The following CADM3 variants were observed in gnomAD, a reference collection of about 807,000 sequenced individuals.
CADM3 encodes the protein TSLC1-like 1.
CADM3 carries 11 observed loss-of-function variants against 44.9 expected under a neutral mutation model. The observed-to-expected ratio is 0.25, with a 90% CI of 0.15 to 0.41. The LOEUF is 0.41. Ranked by LOEUF, CADM3 falls within the 10% of genes least tolerant of loss-of-function variation. The pLI, the probability that CADM3 is intolerant of heterozygous loss-of-function variation, is 1.00. For synonymous variants in CADM3, 207 were observed against 205.2 expected (o/e 1.01, Z -0.08); for missense variants, 426 against 512.0 (o/e 0.83, Z 1.62).
chr1:159,189,805 T>C, intron 1 of CADM3: 1 of 1,607,920 alleles, frequency 6.2e-7, no homozygotes, highest in Non-Finnish European at 8.5e-7. Flanking sequence ...AGCTGGGAAC[T>C]CTGGCTCCAC....
intron 3 of CADM3, 120 bp from the exon 4 acceptor site, chr1:159,193,303 T>G: frequency 1.9e-6 from 2 of 1,077,096 alleles, no homozygotes; most frequent in Non-Finnish European, 2.7e-6. Flanking sequence ...TCTAGTCTTC[T>G]ACCCATCAGA....
chr1:159,191,786 T>G (rs1649670643), intron 1 of CADM3, 150 bp from the exon 2 acceptor site: 2 of 832,230 alleles, frequency 2.4e-6, no homozygotes, highest in East Asian at 5.1e-5. Context: ...ACCACCTCTT[T>G]TCCTTCCCCC....
intron 3 of CADM3, among the ~76,000 whole-genome samples, chr1:159,192,987 A>G (rs1649736060): frequency 6.6e-6 from 1 of 152,218 alleles, no homozygotes; most frequent in Non-Finnish European, 1.5e-5. Context: ...AGAGATGATC[A>G]TACCCCTTCT....
At chr1:159,173,402 G>C (rs1368669325) in intron 1 of CADM3, among the ~76,000 whole-genome samples, 1 of 152,024 alleles carries the variant, frequency 6.6e-6, no homozygotes, top group African/African-American at 2.4e-5. Context: ...GGGACCCTGG[G>C]GATCCCCTCC....
At chr1:159,189,926 C>T in intron 1 of CADM3, 6 of 1,226,906 alleles carry the variant, frequency 4.9e-6, no homozygotes, top group South Asian at 1.3e-5. Flanking sequence ...CACTCATCCT[C>T]ACATCCTCTC....
At chr1:159,174,915 AAGAT>A (rs1442720491) in intron 1 of CADM3, among the ~76,000 whole-genome samples, 2 of 152,320 alleles carry the variant, frequency 1.3e-5, no homozygotes, top group South Asian at 2.1e-4. Flanking sequence ...GCCTAGGGTA[AAGAT>A]AGATAGACGG....
intron 1 of CADM3, among the ~76,000 whole-genome samples, chr1:159,187,888 C>T (rs1356796252): frequency 6.6e-6 from 1 of 152,116 alleles, no homozygotes; most frequent in Non-Finnish European, 1.5e-5. Flanking sequence ...AGAGCCCCTG[C>T]TGGATGTGAC....
In CADM3 at chr1:159,171,810, C is replaced by G; in HGVS notation, c.45C>G (p.Phe15Leu). Reference sequence around the variant, plus strand: ...CGCTCCTGCTCCTGCTCCTGCTGTTCGCCTGCTGCTGGGCGCCCGGCGGGG... The same window carrying G: ...CGCTCCTGCTCCTGCTCCTGCTGTTGGCCTGCTGCTGGGCGCCCGGCGGGG... Reference protein sequence around the residue: ...AASLLLLLLLFACCWAPGGAN... With the variant: ...AASLLLLLLLLACCWAPGGAN... Residue 15 changes from phenylalanine to leucine, a missense_variant, in exon 1 of 9, where the codon TTC (phenylalanine) becomes TTG (leucine). Around this residue, in one of 2 missense-constraint regions of CADM3, gnomAD observed 64 missense variants for 37.4 expected, o/e 1.71. Transcript: ENST00000368125. The G allele has an allele frequency of 8.0e-7, 1 of 1,247,572 alleles. No homozygotes were observed. The highest frequency in any genetic ancestry group is 1.0e-6 in the Non-Finnish European group (1 of 994,834). 77.3% of individuals were successfully genotyped at this position (1,247,572 alleles called of 1,614,324 possible). A position where few individuals can be genotyped will look rare whatever the true frequency, so the allele number is the denominator to read the frequency against.
In CADM3 at chr1:159,192,565, T is replaced by G. The variant is rs750677129; in HGVS notation, c.230-13T>G. ...AGTAAAATCCTAGCTTTCCATTCTC[T>G]TGATTTCCCCAGCCCTTCGAGATAA... On this transcript the variant is annotated splice_polypyrimidine_tract_variant and intron_variant, in intron 2 of 8. Coordinates refer to ENST00000368125, the MANE Select transcript of CADM3 (RefSeq NM_001127173.3). 6.2e-7 allele frequency: 1 copy of G among 1,614,040 alleles called. No individual in the cohort carries two copies. The highest frequency in any genetic ancestry group is 1.3e-5 in the African/African-American group (1 of 74,922).
At chr1:159,181,849 C>G (rs981722006) in intron 1 of CADM3, among the ~76,000 whole-genome samples, 2 of 152,150 alleles carry the variant, frequency 1.3e-5, no homozygotes, top group African/African-American at 4.8e-5. Context: ...CTCTGCTCCT[C>G]GGAATCTTAA....
chr1:159,197,280 C>T (rs1026755387), intron 7 of CADM3: 1 of 487,400 alleles, frequency 2.1e-6, no homozygotes, highest in South Asian at 3.0e-5. Flanking sequence ...GGGCTCTCAT[C>T]TGCCTTTCTT....
chr1:159,191,263 G>A (rs1359935717), intron 1 of CADM3, among the ~76,000 whole-genome samples: 3 of 152,216 alleles, frequency 2.0e-5, no homozygotes, highest in African/African-American at 7.2e-5. Context: ...CATCAGGATG[G>A]TGATTTGGGT....
rs375977015 is a variant in CADM3 at position 159,199,886 on chromosome 1, A to G, written c.1078+10A>G. On this transcript the variant is annotated intron_variant, in intron 8 of 8. Coordinates refer to ENST00000368125, the MANE Select transcript of CADM3 (RefSeq NM_001127173.3). ...TTGATCCGGCACAAAGGTCAGAGGC[A>G]CAAAGAGAGCATCAGCAGAACTTGG... 6.9e-5 allele frequency: 111 copies of G among 1,613,366 alleles called. No individual in the cohort carries two copies. The highest frequency in any genetic ancestry group is 9.2e-5 in the Non-Finnish European group (109 of 1,179,730).
At chr1:159,174,133 T>C (rs1404915909) in intron 1 of CADM3, among the ~76,000 whole-genome samples, 1 of 152,200 alleles carries the variant, frequency 6.6e-6, no homozygotes, top group Non-Finnish European at 1.5e-5. Flanking sequence ...TCATTTTCCT[T>C]GAAGAGCATT....
intron 1 of CADM3, among the ~76,000 whole-genome samples, chr1:159,175,918 T>G (rs1020713020): frequency 6.6e-6 from 1 of 152,350 alleles, no homozygotes; most frequent in African/African-American, 2.4e-5. Flanking sequence ...GATTTGATTT[T>G]GGTACTTCTT....
intron 3 of CADM3, among the ~76,000 whole-genome samples, chr1:159,193,166 A>G (rs1649741942): frequency 6.6e-6 from 1 of 152,048 alleles, no homozygotes; most frequent in South Asian, 2.1e-4. Flanking sequence ...GTGGCCACCC[A>G]ATTGTGCTGT....
At chr1:159,171,958 G>C (rs1648828102) in intron 1 of CADM3, 105 bp downstream of exon 1, 2 of 685,178 alleles carry the variant, frequency 2.9e-6, no homozygotes, top group South Asian at 7.7e-5. Context: ...GTTTGGAACC[G>C]GGGTTAAAGT....
In CADM3 at chr1:159,196,966, C is replaced by T; in HGVS notation, c.858C>T (p.Phe286=). The T allele has an allele frequency of 6.2e-7, 1 of 1,614,140 alleles. No individual in the cohort carries two copies. ...TGACCCAGGAGAGTGCCCTGATCTT[C>T]CCTTTCCTCAACAAGAGTGACAGTG... The part of the protein sequence containing the change: ...LKMTQESALI[F]PFLNKSDSGT... Residue 286 remains phenylalanine, a synonymous_variant, in exon 7 of 9, where the codon TTC becomes TTT. Transcript: ENST00000368125.
chr1:159,177,238 T>G lies in CADM3; in HGVS notation c.88+5385T>G, dbSNP rs536376737. On this transcript the variant is annotated intron_variant, in intron 1 of 8. Transcript: ENST00000368125. Reference sequence around the variant, plus strand: ...AAACTGAGTCTGGTGGTGGTCCTCATTTTTCAGCACAGTCTCTTGACTGTG... The same window carrying G: ...AAACTGAGTCTGGTGGTGGTCCTCAGTTTTCAGCACAGTCTCTTGACTGTG... 4.6e-5 allele frequency among the ~76,000 whole-genome samples: 7 copies of G among 152,170 alleles called. No homozygotes were observed. In the South Asian group the frequency reaches 1.5e-3, roughly 32 times the overall value.
Sources: allele counts gnomAD v4.1 joint callset (sites outside exome capture counted in the v4.1 genomes callset), GRCh38; gene constraint gnomAD v4.1.1; regional missense constraint gnomAD v4.1.1; transcripts MANE v1.5; gene names NCBI Gene and HGNC (gene_info 2026-07-23, HGNC 2026-07-21).